The following USO1 variants were observed in gnomAD, a reference collection of about 807,000 sequenced individuals.
USO1 encodes the protein USO1 vesicle transport factor, also known as general vesicular transport factor p115.
A neutral mutation model predicts 124.5 loss-of-function variants in USO1; 57 were observed. The observed-to-expected ratio is 0.46, with a 90% confidence interval of 0.37 to 0.57. The LOEUF (loss-of-function observed/expected upper bound fraction) is 0.57, where lower values mean the gene tolerates loss of function less well. USO1 is among the 20% of genes least tolerant of loss of function. The pLI is 0.00. For synonymous variants in USO1, 369 were observed against 362.8 expected, an observed-to-expected ratio of 1.02 and a Z score of -0.19; for missense variants, 900 against 1,040.6, an observed-to-expected ratio of 0.86 and a Z score of 1.86.
At chr4:75,749,108 C>T (rs1232017840) in intron 1 of USO1, among the ~76,000 whole-genome samples, 2 of 152,062 alleles carry the variant, frequency 1.3e-5, no homozygotes, top group Non-Finnish European at 2.9e-5. Context: ...GCTTGGTTAT[C>T]CTGCTATATC....
At chr4:75,779,825 A>G (rs777045734) in intron 8 of USO1, among the ~76,000 whole-genome samples, 3 of 152,242 alleles carry the variant, frequency 2.0e-5, no homozygotes, top group Non-Finnish European at 4.4e-5. Context: ...AATTATGCTA[A>G]ATGTTCAGCA....
intron 7 of USO1, 28 bp downstream of exon 7, chr4:75,771,165 A>G (rs781483517): frequency 4.6e-5 from 72 of 1,579,190 alleles, no homozygotes; most frequent in Admixed American, 2.2e-4. Context: ...AAGAAATACA[A>G]AAATATGTGG....
At chr4:75,804,042 C>G in intron 17 of USO1, 92 bp from the exon 18 acceptor site, 1 of 1,477,842 alleles carries the variant, frequency 6.8e-7, no homozygotes, top group East Asian at 2.4e-5. Context: ...AGCATACTGT[C>G]CCAAAATGAC....
chr4:75,756,841 A>C (rs1465696633), intron 3 of USO1, among the ~76,000 whole-genome samples: 1 of 152,058 alleles, frequency 6.6e-6, no homozygotes, highest in African/African-American at 2.4e-5. Context: ...AGAAAATAAT[A>C]TATAAAGAAG....
intron 17 of USO1, 70 bp from the exon 18 acceptor site, chr4:75,804,064 A>G: frequency 6.6e-7 from 1 of 1,522,870 alleles, no homozygotes; most frequent in Non-Finnish European, 8.8e-7. Context: ...TCTAATTTTT[A>G]AAATGTGTTC....
chr4:75,734,718 C>CTTTTTTTTTTTTTTTTT lies in USO1; in HGVS notation c.66+9845_66+9861dup, dbSNP rs55928639. Among the ~76,000 whole-genome samples the CTTTTTTTTTTTTTTTTT allele has an allele frequency of 2.9e-4, 14 of 47,464 alleles. 5 individuals carry two copies. Among genetic ancestry groups the CTTTTTTTTTTTTTTTTT allele is most frequent in the Non-Finnish European group, 5.0e-4 (14 of 28,020 alleles). The allele number at this position is 47,464 out of a possible 152,430, so 31.1% of individuals were successfully genotyped here. On this transcript the variant is annotated intron_variant, in intron 1 of 23. Transcript: ENST00000514213. ...CTGTAGATTGCTTTGGGCAGTATGG[C>CTTTTTTTTTTTTTTTTT]TTTTTTTTTTTTTTTTTTTTTTTTT...
chr4:75,727,953 T>TA (rs11412288), intron 1 of USO1, among the ~76,000 whole-genome samples: 82,442 of 151,958 alleles, frequency 0.54, 23,541 homozygotes, highest in East Asian at 0.76. Flanking sequence ...TCTAGACTCT[T>TA]AAAGTGTCTT....
At chr4:75,766,525 T>C (rs986818650) in intron 4 of USO1, among the ~76,000 whole-genome samples, 33 of 152,128 alleles carry the variant, frequency 2.2e-4, no homozygotes, top group African/African-American at 8.0e-4. Context: ...GTGCTAAACA[T>C]CTTAAACTGC....
intron 9 of USO1, among the ~76,000 whole-genome samples, chr4:75,783,696 A>C (rs899484723): frequency 2.6e-5 from 4 of 152,196 alleles, no homozygotes; most frequent in African/African-American, 9.6e-5. Flanking sequence ...AGTTGCCTGC[A>C]TAGGACTGAT....
At chr4:75,809,347 C>T (rs1040387839) in intron 21 of USO1, among the ~76,000 whole-genome samples, 12 of 152,148 alleles carry the variant, frequency 7.9e-5, no homozygotes, top group African/African-American at 1.9e-4. Context: ...ATTCAGAAAC[C>T]GTTGTTGTTT....
chr4:75,788,900 A>C (rs915282009), intron 10 of USO1, among the ~76,000 whole-genome samples: 1 of 152,166 alleles, frequency 6.6e-6, no homozygotes, highest in African/African-American at 2.4e-5. Context: ...TTGCTCTTTC[A>C]TGTCTGAAAA....
chr4:75,739,541 T>TC (rs1365098681), intron 1 of USO1, among the ~76,000 whole-genome samples: 2 of 142,266 alleles, frequency 1.4e-5, no homozygotes, highest in Admixed American at 7.0e-5. Flanking sequence ...TCTTTTTCTT[T>TC]TTTTTTTTTT....
Position 75,724,699 on chromosome 4 carries a change from G to GTGGT in USO1, c.-120_-117dup. 2.0e-6 allele frequency: 2 copies of GTGGT among 980,970 alleles called. No individual in the cohort carries two copies. The highest frequency in any genetic ancestry group is 3.0e-6 in the Non-Finnish European group (2 of 667,594). 60.8% of individuals were successfully genotyped at this position (980,970 alleles called of 1,614,324 possible). A position where few individuals can be genotyped will look rare whatever the true frequency, so the allele number is the denominator to read the frequency against. On this transcript the variant is annotated 5_prime_UTR_variant, in exon 1 of 24. It removes the in-frame stop codon of an upstream open reading frame in the 5' UTR. Transcript: ENST00000514213. Reference sequence around the variant, plus strand: ...TGGAGTGGCCGCCGAGTTGGAGGCGGTGGTGGCAGCAGTAGGAGTGTGTAG... The same window carrying GTGGT: ...TGGAGTGGCCGCCGAGTTGGAGGCGGTGGTTGGTGGCAGCAGTAGGAGTGTGTAG...
chr4:75,744,354 G>A (rs11938067), intron 1 of USO1, among the ~76,000 whole-genome samples: 81,220 of 152,006 alleles, frequency 0.53, 23,440 homozygotes, highest in East Asian at 0.81. Flanking sequence ...ACTGAGATAC[G>A]GAAGGATGAT....
chr4:75,733,607 C>T (rs1348222170), intron 1 of USO1, among the ~76,000 whole-genome samples: 2 of 152,130 alleles, frequency 1.3e-5, no homozygotes, highest in Non-Finnish European at 2.9e-5. Context: ...TATTTCTTGC[C>T]TATGTATATG....
At chr4:75,729,849 A>T in intron 1 of USO1, 1 of 267,936 alleles carries the variant, frequency 3.7e-6, no homozygotes, top group Non-Finnish European at 7.5e-6. Flanking sequence ...CTCAGAAAGC[A>T]GAAGGGCTAA....
intron 9 of USO1, among the ~76,000 whole-genome samples, chr4:75,783,078 C>T (rs1461062570): frequency 1.3e-5 from 2 of 152,122 alleles, no homozygotes; most frequent in South Asian, 2.1e-4. Flanking sequence ...TTTGTTTCAT[C>T]GTTTATTCCT....
At chr4:75,761,298 A>G (rs1277846248) in intron 4 of USO1, among the ~76,000 whole-genome samples, 1 of 152,204 alleles carries the variant, frequency 6.6e-6, no homozygotes, top group Non-Finnish European at 1.5e-5. Context: ...TGTAGTGCCA[A>G]CTACTTGGGA....
At chr4:75,801,827 G>GT (rs1347305648) in intron 17 of USO1, among the ~76,000 whole-genome samples, 1 of 152,160 alleles carries the variant, frequency 6.6e-6, no homozygotes, top group Non-Finnish European at 1.5e-5. Flanking sequence ...AGATTAGTTT[G>GT]TTTTTTGTTT....
Sources: gnomAD v4.1 joint callset for allele counts (sites outside exome capture counted in the v4.1 genomes callset) on GRCh38, gnomAD v4.1.1 for gene constraint, MANE v1.5 for transcripts, NCBI Gene and HGNC (gene_info 2026-07-23, HGNC 2026-07-21) for gene names.